Variants in USP34 observed in about 807,000 individuals in gnomAD.
USP34 encodes ubiquitin specific peptidase 34.
A neutral mutation model predicts 460.3 loss-of-function variants in USP34; 70 were observed. The observed-to-expected ratio is 0.15, with a 90% CI of 0.13 to 0.19. USP34 has a LOEUF of 0.19. Among genes scored for constraint, USP34 ranks in the 10% least tolerant of loss-of-function variants. USP34 has a pLI of 1.00. For synonymous variants in USP34, 1,647 were observed against 1,405.3 expected, an observed-to-expected ratio of 1.17 and a Z score of -3.85; for missense variants, 3,985 against 4,236.2, an observed-to-expected ratio of 0.94 and a Z score of 1.65.
intron 34 of USP34, among the ~76,000 whole-genome samples, chr2:61,287,848 T>C (rs1482247045): frequency 2.0e-5 from 3 of 152,166 alleles, no homozygotes; most frequent in African/African-American, 2.4e-5. Flanking sequence ...AGGGTCAGCA[T>C]CCTTAACTCC....
chr2:61,348,953 T>C (rs1048389626), intron 13 of USP34, 67 bp from the exon 14 acceptor site: 1 of 1,493,208 alleles, frequency 6.7e-7, no homozygotes, highest in African/African-American at 1.4e-5. Flanking sequence ...AGAATGACAT[T>C]ATCATTTGAT....
intron 34 of USP34, among the ~76,000 whole-genome samples, chr2:61,285,607 C>G (rs1689665410): frequency 6.6e-6 from 1 of 151,646 alleles, no homozygotes; most frequent in Non-Finnish European, 1.5e-5. Flanking sequence ...TACCACTGAA[C>G]TGGGGGAAAG....
chr2:61,343,827 G>A lies in USP34; in HGVS notation c.2488C>T (p.His830Tyr). 6.2e-7 allele frequency: 1 copy of A among 1,613,760 alleles called. No homozygotes were observed. Among genetic ancestry groups the A allele is most frequent in the Non-Finnish European group, 8.5e-7 (1 of 1,179,732 alleles). Residue 830 changes from histidine (H) to tyrosine (Y), a missense_variant, in exon 16 of 80, where the codon CAT becomes TAT. Coordinates refer to ENST00000398571, the MANE Select transcript of USP34 (RefSeq NM_014709.4). Reference sequence around the variant, plus strand: ...TGTAGAGTCTTACCTTGACTAAGATGTTCATGGTAAATGGAAGCTAAATTG... The same window carrying A: ...TGTAGAGTCTTACCTTGACTAAGATATTCATGGTAAATGGAAGCTAAATTG... Reference protein sequence around the residue: ...LPNLASIYHEHLSQGPVVHKH... With the variant: ...LPNLASIYHEYLSQGPVVHKH...
chr2:61,456,049 T>G (rs1309229211), intron 1 of USP34, among the ~76,000 whole-genome samples: 1 of 152,198 alleles, frequency 6.6e-6, no homozygotes, highest in Non-Finnish European at 1.5e-5. Flanking sequence ...GCTAAATGTA[T>G]TTCTATACCT....
At chr2:61,240,530 G>A (rs1004285627) in intron 53 of USP34, among the ~76,000 whole-genome samples, 7 of 151,596 alleles carry the variant, frequency 4.6e-5, no homozygotes, top group Non-Finnish European at 7.4e-5. Flanking sequence ...CGCCCGCCTC[G>A]GCCTCCCAAA....
Position 61,405,934 on chromosome 2 carries a change from C to A in USP34, c.326G>T (p.Arg109Ile), listed in dbSNP as rs1432801103. The change falls in exon 3 of 80, where the codon AGA becomes ATA. Residue 109 changes from arginine (R) to isoleucine (I), a missense_variant. This residue lies in a region of USP34 where 331 missense variants were observed against 293.7 expected (regional missense o/e 1.13). Transcript: ENST00000398571. ...TTCTGTACTTCCTTCATTACACTCT[C>A]TATCTATATTCAGTGGTTCTTCTGC... ...NQAEEPLNIDRECNEGSTERQ... is the reference protein window; with the variant it reads ...NQAEEPLNIDIECNEGSTERQ... The A allele has an allele frequency of 6.2e-7, 1 of 1,613,530 alleles. No individual in the cohort carries two copies. Among genetic ancestry groups the A allele is most frequent in the South Asian group, 1.1e-5 (1 of 91,078 alleles).
At chr2:61,436,829 A>C (rs1231065270) in intron 1 of USP34, among the ~76,000 whole-genome samples, 3 of 152,248 alleles carry the variant, frequency 2.0e-5, no homozygotes, top group African/African-American at 7.2e-5. Context: ...AACTGAAAAA[A>C]TCATGTCAGC....
intron 1 of USP34, among the ~76,000 whole-genome samples, chr2:61,447,473 C>T (rs940555882): frequency 6.6e-6 from 1 of 151,980 alleles, no homozygotes; most frequent in Admixed American, 6.6e-5. Flanking sequence ...CAAGAAAATG[C>T]TTGTTAAATA....
chr2:61,388,169 G>C (rs562945211), intron 5 of USP34, among the ~76,000 whole-genome samples: 6 of 152,152 alleles, frequency 3.9e-5, no homozygotes, highest in East Asian at 3.9e-4. Context: ...CCTGAGCCCA[G>C]GAAGTGGAGG....
chr2:61,326,862 C>CA, intron 20 of USP34, among the ~76,000 whole-genome samples: 1 of 148,808 alleles, frequency 6.7e-6, no homozygotes, highest in South Asian at 2.1e-4. Context: ...CAGCTCACTG[C>CA]AACCTCCGCC....
chr2:61,297,408 A>C (rs879425104), intron 29 of USP34, among the ~76,000 whole-genome samples: 6 of 152,364 alleles, frequency 3.9e-5, no homozygotes, highest in Non-Finnish European at 5.9e-5. Context: ...GAAAGCAAAC[A>C]ATTTTAGAGA....
intron 3 of USP34, among the ~76,000 whole-genome samples, chr2:61,395,832 G>A (rs534511223): frequency 5.2e-4 from 78 of 149,660 alleles, no homozygotes; most frequent in African/African-American, 1.7e-3. Context: ...TTGGGAGGCC[G>A]AGGCGGGTGG....
At chr2:61,375,011 TAC>T (rs945195630) in intron 8 of USP34, among the ~76,000 whole-genome samples, 2 of 152,166 alleles carry the variant, frequency 1.3e-5, no homozygotes, top group African/African-American at 2.4e-5. Flanking sequence ...CAGCAGAATG[TAC>T]AGTCTTCTTA....
Position 61,347,887 on chromosome 2 carries a change from A to ATGGTGGTGG in USP34, c.2259_2267dup (p.His758_His760dup). 3 of 1,612,138 alleles carry ATGGTGGTGG rather than the reference A, an allele frequency of 1.9e-6. No individual in the cohort carries two copies. Among genetic ancestry groups the ATGGTGGTGG allele is most frequent in the Non-Finnish European group, 2.5e-6 (3 of 1,178,804 alleles). Reference sequence around the variant, plus strand: ...AGGCTTACCCATCGTGGTGGTGGTGATGGTGGTGGTGGTGGTGGTGATGCT... The same window carrying ATGGTGGTGG: ...AGGCTTACCCATCGTGGTGGTGGTGATGGTGGTGGTGGTGGTGGTGGTGGTGGTGATGCT... On this transcript the variant is annotated inframe_insertion, in exon 15 of 80. Transcript: ENST00000398571.
Position 61,228,732 on chromosome 2 carries a change from A to G in USP34, c.7369-13T>C. 6.2e-7 allele frequency: 1 copy of G among 1,600,798 alleles called. No individual in the cohort carries two copies. The highest frequency in any genetic ancestry group is 8.5e-7 in the Non-Finnish European group (1 of 1,175,930). On this transcript the variant is annotated splice_polypyrimidine_tract_variant and intron_variant, in intron 60 of 79. Transcript: ENST00000398571. The stretch of plus-strand genomic sequence containing the variant: ...GCAAAAATTGGCTCTAAACAAACAA[A>G]CAAACAAAATTTAAAAATATAAAAT...
At chr2:61,256,545 G>A (rs975896992) in intron 47 of USP34, 67 bp from the exon 48 acceptor site, 2 of 1,256,794 alleles carry the variant, frequency 1.6e-6, no homozygotes, top group African/African-American at 1.6e-5. Flanking sequence ...ACAAAAGGTG[G>A]CAATTACAAT....
intron 21 of USP34, among the ~76,000 whole-genome samples, chr2:61,325,109 G>A (rs1198849405): frequency 2.0e-5 from 3 of 151,970 alleles, no homozygotes; most frequent in South Asian, 2.1e-4. Context: ...GATATGGCAG[G>A]AACAGGATAA....
intron 57 of USP34, among the ~76,000 whole-genome samples, chr2:61,234,805 A>C (rs1688015969): frequency 6.6e-6 from 1 of 151,630 alleles, no homozygotes; most frequent in African/African-American, 2.4e-5. Flanking sequence ...ATGACCAGTT[A>C]ATTTTATTTT....
chr2:61,245,237 T>C lies in USP34; in HGVS notation c.6600A>G (p.Ala2200=), dbSNP rs760729430. 5 of 1,610,508 alleles carry C rather than the reference T, an allele frequency of 3.1e-6. No homozygotes were observed. Among genetic ancestry groups the C allele is most frequent in the African/African-American group, 2.7e-5 (2 of 74,414 alleles). Residue 2200 remains alanine (A), a synonymous_variant, in exon 51 of 80, where the codon GCA becomes GCG. Transcript: ENST00000398571. The part of the protein sequence containing the change: ...EVKPFDSAQL[A]SECFGGEMTT... The stretch of plus-strand genomic sequence containing the variant: ...TCATCTCTCCACCAAAACATTCAGA[T>C]GCAAGTTGAGCAGAATCAAAAGGTT...
Sources: gnomAD v4.1 joint callset for allele counts (sites outside exome capture counted in the v4.1 genomes callset) on GRCh38, gnomAD v4.1.1 for gene constraint, gnomAD v4.1.1 regional missense constraint, MANE v1.5 for transcripts, NCBI Gene and HGNC (gene_info 2026-07-23, HGNC 2026-07-21) for gene names.